INPP5D: variants seen among roughly 807,000 people sequenced by gnomAD.
INPP5D encodes the protein phosphatidylinositol 3,4,5-trisphosphate 5-phosphatase 1.
A neutral mutation model predicts 122.9 loss-of-function variants in INPP5D; 33 were observed. The ratio of observed to expected loss-of-function variants is 0.27; its 90% CI spans 0.20 to 0.36. INPP5D has a LOEUF of 0.36. Among genes scored for constraint, INPP5D ranks in the 10% least tolerant of loss-of-function variants. The probability of loss-of-function intolerance (pLI) is 1.00; values close to 1 mark genes in which losing one functional copy is unlikely to be tolerated. For synonymous variants in INPP5D, 584 were observed against 576.2 expected (o/e 1.01, Z -0.19); for missense variants, 1,053 against 1,412.7 (o/e 0.75, Z 4.08).
intron 1 of INPP5D, among the ~76,000 whole-genome samples, chr2:233,063,235 C>T (rs1008239276): frequency 6.6e-6 from 1 of 152,180 alleles, no homozygotes; most frequent in Admixed American, 6.5e-5. Context: ...CAGAAGGAAG[C>T]CACACACTCA....
chr2:233,098,345 T>G (rs1328863970), intron 2 of INPP5D, among the ~76,000 whole-genome samples: 1 of 152,134 alleles, frequency 6.6e-6, no homozygotes, highest in Non-Finnish European at 1.5e-5. Flanking sequence ...CTGGAAAACT[T>G]AGCCAGTGGT....
chr2:233,169,718 A>G (rs1694440323), intron 14 of INPP5D: 1 of 577,810 alleles, frequency 1.7e-6, no homozygotes, highest in Non-Finnish European at 3.0e-6. Flanking sequence ...GATCTTGCCT[A>G]GCTGGGGCCC....
chr2:233,190,028 G>A (rs537540510), intron 22 of INPP5D, 91 bp downstream of exon 22: 28 of 1,536,718 alleles, frequency 1.8e-5, no homozygotes, highest in African/African-American at 1.5e-4. Context: ...TGGCACTTCC[G>A]GTCATAGGCT....
chr2:233,173,991 T>C (rs1694557892), intron 17 of INPP5D, among the ~76,000 whole-genome samples: 1 of 152,046 alleles, frequency 6.6e-6, no homozygotes, highest in African/African-American at 2.4e-5. Context: ...AGGCTCAGGA[T>C]GGTCAATGAC....
In INPP5D at chr2:233,146,362, C is replaced by T. The variant is rs758641144; in HGVS notation, c.835-5C>T. 7 of 704,198 alleles carry T rather than the reference C, an allele frequency of 9.9e-6. No individual in the cohort carries two copies. The highest frequency in any genetic ancestry group is 8.0e-5 in the Admixed American group (4 of 49,998). The allele number at this position is 704,198 out of a possible 1,614,324, so 43.6% of individuals were successfully genotyped here. A position where few individuals can be genotyped will look rare whatever the true frequency, so the allele number is the denominator to read the frequency against. Reference sequence around the variant, plus strand: ...ACCCTCTGTCTCTAACGCTGCTGCCCACAGGTCAAGGCCTTGCTGCACGAG... The same window carrying T: ...ACCCTCTGTCTCTAACGCTGCTGCCTACAGGTCAAGGCCTTGCTGCACGAG... On this transcript the variant is annotated splice_region_variant and splice_polypyrimidine_tract_variant and intron_variant, in intron 7 of 26. Transcript: ENST00000445964.
In INPP5D at chr2:233,197,563, C is replaced by T. The variant is rs1484051592; in HGVS notation, c.2694-532C>T. 3.9e-5 allele frequency among the ~76,000 whole-genome samples: 6 copies of T among 152,138 alleles called. No individual in the cohort carries two copies. The highest frequency in any genetic ancestry group is 1.4e-4 in the African/African-American group (6 of 41,428). On this transcript the variant is annotated intron_variant, in intron 24 of 26. Transcript: ENST00000445964. This position sits in a 1 kb window ranked among gnomAD's most constrained non-coding sequence, Gnocchi z 4.4. ...AGCCTTCGGACCGTCCAGGAACAGG[C>T]CAAACCCCTCTCACCTGGAGGCCTT... is the stretch of plus-strand genomic sequence containing the variant.
intron 2 of INPP5D, among the ~76,000 whole-genome samples, chr2:233,091,794 A>G (rs1692001540): frequency 6.6e-6 from 1 of 152,118 alleles, no homozygotes; most frequent in African/African-American, 2.4e-5. Flanking sequence ...CGCAGCAACT[A>G]TCTTGATTCT....
chr2:233,184,958 C>T (rs908154932), intron 20 of INPP5D, among the ~76,000 whole-genome samples: 2 of 152,004 alleles, frequency 1.3e-5, no homozygotes, highest in Non-Finnish European at 2.9e-5. Context: ...GAGATCACAG[C>T]GTCTTTCTCG....
chr2:233,121,509 C>CTTTTATTTTA (rs57378992), intron 2 of INPP5D, among the ~76,000 whole-genome samples: 41,723 of 147,200 alleles, frequency 0.28, 7,614 homozygotes, highest in Non-Finnish European at 0.39. Flanking sequence ...TATAAAAATA[C>CTTTTATTTTA]TTTTATTTTA....
At chr2:233,099,812 G>A (rs372690223) in intron 2 of INPP5D, among the ~76,000 whole-genome samples, 2 of 152,164 alleles carry the variant, frequency 1.3e-5, no homozygotes, top group Non-Finnish European at 1.5e-5. Context: ...CTGTTTTCAC[G>A]CAGCTGATAA....
chr2:233,130,997 T>A, intron 5 of INPP5D: 1 of 454,826 alleles, frequency 2.2e-6, no homozygotes, highest in Admixed American at 3.1e-5. Flanking sequence ...GCTGCAGCCA[T>A]TACACCTGAC....
In INPP5D at chr2:233,105,183, C is replaced by A. The variant is rs1183946294; in HGVS notation, c.199-16924C>A. ...GGTCTTTGGCAGCAAAGCAACAGAGCCCCCAGAAGTGGGGATGGGAGCAGG... is the reference window on the plus strand; with the variant it reads ...GGTCTTTGGCAGCAAAGCAACAGAGACCCCAGAAGTGGGGATGGGAGCAGG... On this transcript the variant is annotated intron_variant, in intron 2 of 26. Transcript: ENST00000445964. This position sits in a 1 kb window ranked among gnomAD's most constrained non-coding sequence, Gnocchi z 4.0. Among the ~76,000 whole-genome samples the A allele has an allele frequency of 6.6e-6, 1 of 152,190 alleles. No individual in the cohort carries two copies. The highest frequency in any genetic ancestry group is 1.5e-5 in the Non-Finnish European group (1 of 68,032).
chr2:233,146,695 T>C (rs1693769971), intron 8 of INPP5D, among the ~76,000 whole-genome samples: 1 of 152,178 alleles, frequency 6.6e-6, no homozygotes, highest in Non-Finnish European at 1.5e-5. Flanking sequence ...CCAGGCACCA[T>C]GTAAACTTTG....
chr2:233,160,049 C>T lies in INPP5D; in HGVS notation c.1137+1630C>T, dbSNP rs911751941. On this transcript the variant is annotated intron_variant, in intron 10 of 26. Transcript: ENST00000445964. The surrounding 1 kb of genome is among the most constrained non-coding windows in gnomAD (Gnocchi z 4.2). Reference sequence around the variant, plus strand: ...GCATAGGTTCAAACACCAGCTCTGCCCCATTGCTGCGACCTCAAAAGGACT... The same window carrying T: ...GCATAGGTTCAAACACCAGCTCTGCTCCATTGCTGCGACCTCAAAAGGACT... Among the ~76,000 whole-genome samples the T allele has an allele frequency of 3.9e-5, 6 of 152,126 alleles. No homozygotes were observed. The highest frequency in any genetic ancestry group is 7.4e-5 in the Non-Finnish European group (5 of 68,022).
chr2:233,103,407 C>T (rs1370091885), intron 2 of INPP5D, among the ~76,000 whole-genome samples: 1 of 152,218 alleles, frequency 6.6e-6, no homozygotes. Flanking sequence ...TTTCTCTATC[C>T]AGCACAGATG....
intron 3 of INPP5D, among the ~76,000 whole-genome samples, chr2:233,122,892 A>C (rs559416849): frequency 1.4e-4 from 22 of 152,332 alleles, no homozygotes; most frequent in Middle Eastern, 3.4e-3. Context: ...AGACAGAGAG[A>C]GAGAATAACG....
rs1223500419 is a variant in INPP5D, at chr2:233,197,155, T to C, written c.2694-940T>C. 1.3e-5 allele frequency among the ~76,000 whole-genome samples: 2 copies of C among 152,194 alleles called. No homozygotes were observed. The highest frequency in any genetic ancestry group is 2.9e-5 in the Non-Finnish European group (2 of 68,030). On this transcript the variant is annotated intron_variant, in intron 24 of 26. Coordinates refer to ENST00000445964, the MANE Select transcript of INPP5D (RefSeq NM_001017915.3). The surrounding 1 kb of genome is among the most constrained non-coding windows in gnomAD (Gnocchi z 4.4). ...AGGCTGGCAGAGCACATGGGAGCTG[T>C]GGAGTGTCCCTGACAGCCTATACGC...
chr2:233,095,418 G>A (rs1017440820), intron 2 of INPP5D, among the ~76,000 whole-genome samples: 13 of 152,072 alleles, frequency 8.5e-5, no homozygotes, highest in African/African-American at 2.9e-4. Context: ...TCAGGAGTTC[G>A]AGACCAGCCT....
At chr2:233,083,878 C>A (rs912942122) in intron 2 of INPP5D, among the ~76,000 whole-genome samples, 5 of 151,940 alleles carry the variant, frequency 3.3e-5, no homozygotes, top group South Asian at 2.1e-4. Context: ...TTGGCCCTTG[C>A]GTCCTTTCTA....
Sources: gnomAD v4.1 joint callset for allele counts (sites outside exome capture counted in the v4.1 genomes callset) on GRCh38, gnomAD v4.1.1 for gene constraint, Gnocchi (gnomAD v3.1) non-coding constraint, MANE v1.5 for transcripts, NCBI Gene and HGNC (gene_info 2026-07-23, HGNC 2026-07-21) for gene names.